The following L3MBTL3 variants were observed in gnomAD, a reference collection of about 807,000 sequenced individuals.
The protein encoded by L3MBTL3 is lethal(3)malignant brain tumor-like protein 3.
Under a neutral mutation model 102.3 loss-of-function variants are expected in L3MBTL3, and 27 were observed. The observed-to-expected ratio is 0.26, with a 90% confidence interval of 0.19 to 0.36. The LOEUF is 0.36. Among genes scored for constraint, L3MBTL3 ranks in the 10% least tolerant of loss-of-function variants. The pLI is 1.00. For missense variants in L3MBTL3, 798 were observed against 955.3 expected (o/e 0.84, Z 2.17); for synonymous variants, 340 against 320.9 (o/e 1.06, Z -0.64).
intron 13 of L3MBTL3, 81 bp downstream of exon 13, chr6:130,071,208 C>G: frequency 8.1e-7 from 1 of 1,238,506 alleles, no homozygotes; most frequent in Non-Finnish European, 1.1e-6. Flanking sequence ...TAGTGCAACG[C>G]TTATAACAAA....
At chr6:130,093,544 A>G (rs1479679043) in intron 17 of L3MBTL3, among the ~76,000 whole-genome samples, 1 of 152,216 alleles carries the variant, frequency 6.6e-6, no homozygotes, top group Non-Finnish European at 1.5e-5. Flanking sequence ...TTAGAATAAC[A>G]AAGCTTGGGG....
chr6:130,119,164 TA>T (rs532217930), intron 19 of L3MBTL3, among the ~76,000 whole-genome samples: 26 of 149,792 alleles, frequency 1.7e-4, no homozygotes, highest in East Asian at 5.8e-4. Flanking sequence ...TCTCTCTATT[TA>T]AAAAAAAAAT....
chr6:130,065,649 T>C (rs1435401005), intron 10 of L3MBTL3, among the ~76,000 whole-genome samples: 1 of 152,140 alleles, frequency 6.6e-6, no homozygotes, highest in Non-Finnish European at 1.5e-5. Flanking sequence ...ACACATCTTC[T>C]TGTGTTAGTG....
intron 3 of L3MBTL3, among the ~76,000 whole-genome samples, chr6:130,048,967 C>CACACACACAT (rs71678245): frequency 0.024 from 3,548 of 150,278 alleles, 53 homozygotes; most frequent in East Asian, 0.082. Context: ...CACACACACA[C>CACACACACAT]ACATACACAC....
At chr6:130,100,183 T>C (rs1784597491) in intron 18 of L3MBTL3, among the ~76,000 whole-genome samples, 2 of 152,184 alleles carry the variant, frequency 1.3e-5, no homozygotes, top group African/African-American at 2.4e-5. Flanking sequence ...AATGTAAACA[T>C]TTGGCCTGGG....
intron 8 of L3MBTL3, among the ~76,000 whole-genome samples, chr6:130,057,190 T>A (rs765493536): frequency 2.6e-5 from 4 of 152,192 alleles, no homozygotes; most frequent in Non-Finnish European, 4.4e-5. Context: ...GTACTTCCAC[T>A]TCCATCTTCT....
At chr6:130,022,142 T>G (rs1336959175) in intron 1 of L3MBTL3, 85 bp from the exon 2 acceptor site, 1 of 152,230 alleles carries the variant, frequency 6.6e-6, no homozygotes, top group Admixed American at 6.5e-5. Flanking sequence ...AATGTAAGCT[T>G]CTTAACTGGG....
intron 8 of L3MBTL3, 79 bp from the exon 9 acceptor site, chr6:130,057,327 G>C: frequency 9.5e-7 from 1 of 1,057,134 alleles, no homozygotes; most frequent in Non-Finnish European, 1.4e-6. Context: ...GTATCAGTCA[G>C]GGACGTGTGA....
At chr6:130,137,561 A>G (rs759936948) in intron 22 of L3MBTL3, 1 of 151,592 alleles carries the variant, frequency 6.6e-6, no homozygotes, top group African/African-American at 2.4e-5. Flanking sequence ...ACCAAAATGT[A>G]TCCTTACTGT....
In L3MBTL3 at chr6:130,133,712, T is replaced by C; in HGVS notation, c.2136+91T>C. On this transcript the variant is annotated intron_variant, in intron 21 of 22. Coordinates refer to ENST00000361794, the MANE Select transcript of L3MBTL3 (RefSeq NM_032438.4). This position sits in a 1 kb window ranked among gnomAD's most constrained non-coding sequence, Gnocchi z 4.9. ...ATTGAGCGTAGGTAGCGTTTAGTCT[T>C]TTTTTTTCTGAAAGAGAAGAAATTA... The C allele has an allele frequency of 6.6e-7, 1 of 1,525,782 alleles. No individual in the cohort carries two copies. Among genetic ancestry groups the C allele is most frequent in the Non-Finnish European group, 8.9e-7 (1 of 1,118,250 alleles). The allele number at this position is 1,525,782 out of a possible 1,614,324, so 94.5% of individuals were successfully genotyped here. A position where few individuals can be genotyped will look rare whatever the true frequency, so the allele number is the denominator to read the frequency against.
rs995353387 is a variant in L3MBTL3, at chr6:130,139,116, T to G, written c.2200-494T>G. The stretch of plus-strand genomic sequence containing the variant: ...TGTAAAGACTTAACTGTGGCCACAC[T>G]AGAGATAAGTGTTATCTTTCTGATT... On this transcript the variant is annotated intron_variant, in intron 22 of 22. Coordinates refer to ENST00000361794, the MANE Select transcript of L3MBTL3 (RefSeq NM_032438.4). 1.1e-4 allele frequency among the ~76,000 whole-genome samples: 16 copies of G among 151,780 alleles called. 1 individual carries two copies. The highest frequency in any genetic ancestry group is 2.2e-4 in the Non-Finnish European group (15 of 68,004).
At chr6:130,092,685 C>T in intron 16 of L3MBTL3, 60 bp from the exon 17 acceptor site, 3 of 1,038,392 alleles carry the variant, frequency 2.9e-6, no homozygotes, top group South Asian at 2.6e-5. Context: ...GTGGGCAGAA[C>T]TTTGACTGTA....
At chr6:130,027,689 A>G (rs1779439842) in intron 2 of L3MBTL3, among the ~76,000 whole-genome samples, 1 of 152,224 alleles carries the variant, frequency 6.6e-6, no homozygotes, top group South Asian at 2.1e-4. Flanking sequence ...TATGTTCTAT[A>G]AAAATATGAA....
intron 16 of L3MBTL3, among the ~76,000 whole-genome samples, chr6:130,090,633 T>G (rs558677555): frequency 6.6e-6 from 1 of 152,330 alleles, no homozygotes; most frequent in South Asian, 2.1e-4. Flanking sequence ...TCTCACTCTG[T>G]CGCCTAGGCT....
chr6:130,071,212 T>A lies in L3MBTL3; in HGVS notation c.1244+85T>A. 3 of 1,227,382 alleles carry A rather than the reference T, an allele frequency of 2.4e-6. No individual in the cohort carries two copies. In the Admixed American group the frequency reaches 7.5e-5, roughly 31 times the overall value. 76.0% of individuals were successfully genotyped at this position (1,227,382 alleles called of 1,614,324 possible). ...GAAAACAGTAATAGTGCAACGCTTA[T>A]AACAAAAAAAAGCAGTGTTCTGCCC... On this transcript the variant is annotated intron_variant, in intron 13 of 22. Coordinates refer to ENST00000361794, the MANE Select transcript of L3MBTL3 (RefSeq NM_032438.4).
At chr6:130,093,316 A>G (rs1784169860) in intron 17 of L3MBTL3, among the ~76,000 whole-genome samples, 1 of 152,204 alleles carries the variant, frequency 6.6e-6, no homozygotes, top group African/African-American at 2.4e-5. Flanking sequence ...TCTCAGTTAA[A>G]TTCAAATTTT....
At chr6:130,091,001 A>G (rs1582542663) in intron 16 of L3MBTL3, among the ~76,000 whole-genome samples, 1 of 152,088 alleles carries the variant, frequency 6.6e-6, no homozygotes, top group East Asian at 1.9e-4. Context: ...TTGTGCTGAT[A>G]CATCATATTT....
Position 130,120,923 on chromosome 6 carries a change from C to T in L3MBTL3, c.1931C>T (p.Thr644Ile), listed in dbSNP as rs570461107. Residue 644 changes from threonine to isoleucine, a missense_variant, in exon 20 of 23, where the codon ACA (threonine) becomes ATA (isoleucine). Around this residue, in one of 4 missense-constraint regions of L3MBTL3, gnomAD observed 306 missense variants for 314.4 expected, o/e 0.97. Coordinates refer to ENST00000361794, the MANE Select transcript of L3MBTL3 (RefSeq NM_032438.4). Reference sequence around the variant, plus strand: ...GTCAAAGAAGACTTTGAAGAGAGAACAGAAAGTGAAATGAGAACATCACAT... The same window carrying T: ...GTCAAAGAAGACTTTGAAGAGAGAATAGAAAGTGAAATGAGAACATCACAT... ...DDVKEDFEER[T>I]ESEMRTSHEA... The T allele has an allele frequency of 3.0e-5, 48 of 1,612,566 alleles. 3 individuals are homozygous for T. In the Admixed American group the frequency reaches 5.0e-4, roughly 17 times the overall value.
rs768348473 is a variant in L3MBTL3, at chr6:130,070,954, T to A, written c.1093-22T>A. On this transcript the variant is annotated intron_variant, in intron 12 of 22. Transcript: ENST00000361794. ...TTGTCAAGTGTGTGCTTATCTCTAA[T>A]TAAATCTGTGTGTTTCCATAGACAG... 1.9e-6 allele frequency: 3 copies of A among 1,608,478 alleles called. No homozygotes were observed. In the Admixed American group the frequency reaches 5.0e-5, roughly 27 times the overall value.
Sources: gnomAD v4.1 joint callset for allele counts (sites outside exome capture counted in the v4.1 genomes callset) on GRCh38, gnomAD v4.1.1 for gene constraint, gnomAD v4.1.1 regional missense constraint, Gnocchi (gnomAD v3.1) non-coding constraint, MANE v1.5 for transcripts, NCBI Gene and HGNC (gene_info 2026-07-23, HGNC 2026-07-21) for gene names.